Variants in CACNG1 observed in about 807,000 individuals in gnomAD.
The protein encoded by CACNG1 is calcium voltage-gated channel auxiliary subunit gamma 1.
CACNG1 carries 21 observed loss-of-function variants against 22.0 expected under a neutral mutation model. The ratio of observed to expected loss-of-function variants is 0.95; its 90% CI spans 0.68 to 1.37. The LOEUF (loss-of-function observed/expected upper bound fraction) is 1.37. Among genes scored for constraint, CACNG1 ranks in the 40% most tolerant of loss-of-function variants. The pLI is 0.00. For missense variants in CACNG1, 291 were observed against 308.6 expected (o/e 0.94, Z 0.43); for synonymous variants, 127 against 129.2 (o/e 0.98, Z 0.12).
rs1445423107 is a variant in CACNG1 at position 67,054,986 on chromosome 17, CACAATGACACACACAG to C, written c.305-113_305-98del. 6.6e-5 allele frequency: 68 copies of C among 1,024,190 alleles called. 1 individual carries two copies. In the African/African-American group the frequency reaches 1.1e-3, roughly 17 times the overall value. The allele number at this position is 1,024,190 out of a possible 1,614,324, so 63.4% of individuals were successfully genotyped here. On this transcript the variant is annotated intron_variant, in intron 2 of 3. Coordinates refer to ENST00000226021, the MANE Select transcript of CACNG1 (RefSeq NM_000727.4). The surrounding 1 kb of genome is among the most constrained non-coding windows in gnomAD (Gnocchi z 4.6). ...CACAGAGACACACACTTGACACACA[CACAATGACACACACAG>C]ACACTGACACACACACTGTGGTGCA...
At position 67,054,222 on chromosome 17, in the gene CACNG1, C is replaced by A; in HGVS notation, c.304+152C>A. ...ATTTGAACAACAGCCTTGTCAGCTC[C>A]CCGCTCCGGAGGCCCCAGGCAGCCG... On this transcript the variant is annotated intron_variant, in intron 2 of 3. Coordinates refer to ENST00000226021, the MANE Select transcript of CACNG1 (RefSeq NM_000727.4). The surrounding 1 kb of genome is among the most constrained non-coding windows in gnomAD (Gnocchi z 4.6). 1.5e-6 allele frequency: 1 copy of A among 660,848 alleles called. No homozygotes were observed. Among genetic ancestry groups the A allele is most frequent in the South Asian group, 1.9e-5 (1 of 53,050 alleles). The allele number at this position is 660,848 out of a possible 1,614,324, so 40.9% of individuals were successfully genotyped here.
chr17:67,054,004 T>G lies in CACNG1; in HGVS notation c.238T>G (p.Cys80Gly). 1 of 1,613,940 alleles carries G rather than the reference T, an allele frequency of 6.2e-7. No homozygotes were observed. ...GPITLPGEKN[C>G]SYFRHFNPGE... ...TGTCTCCTCCTTTGCAGAGAAGAAC[T>G]GTTCCTACTTCAGGCATTTTAACCC... Residue 80 changes from cysteine to glycine, a missense_variant, in exon 2 of 4, where the codon TGT becomes GGT. Transcript: ENST00000226021. This position sits in a 1 kb window ranked among gnomAD's most constrained non-coding sequence, Gnocchi z 4.6.
chr17:67,055,220 C>T lies in CACNG1; in HGVS notation c.422C>T (p.Ser141Phe), dbSNP rs747693009. The change falls in exon 3 of 4, where the codon TCC (serine) becomes TTC (phenylalanine). Residue 141 changes from serine to phenylalanine, a missense_variant. Coordinates refer to ENST00000226021, the MANE Select transcript of CACNG1 (RefSeq NM_000727.4). The surrounding 1 kb of genome is among the most constrained non-coding windows in gnomAD (Gnocchi z 4.5). ...KKRDYLLRPA[S>F]MFYAFAGLCI... ...AGGGACTATCTGCTGCGACCCGCGT[C>T]CATGTTCTATGCCTTTGCAGGTAGA... is the stretch of plus-strand genomic sequence containing the variant. The T allele has an allele frequency of 1.2e-5, 19 of 1,613,984 alleles. No homozygotes were observed. Among genetic ancestry groups the T allele is most frequent in the Non-Finnish European group, 1.6e-5 (19 of 1,179,990 alleles).
rs80148501 is a variant in CACNG1 at position 67,047,275 on chromosome 17, G to T, written c.229+2386G>T. ...TCTTCTCCATAATAGTAATGAGAAG[G>T]CTGGCAGAAATGGTCAGAATCAACA... On this transcript the variant is annotated intron_variant, in intron 1 of 3. Coordinates refer to ENST00000226021, the MANE Select transcript of CACNG1 (RefSeq NM_000727.4). Among the ~76,000 whole-genome samples the T allele has an allele frequency of 6.3e-3, 962 of 152,258 alleles. 12 individuals are homozygous for T. Among genetic ancestry groups the T allele is most frequent in the African/African-American group, 0.022 (916 of 41,538 alleles).
Position 67,056,224 on chromosome 17 carries a change from C to A in CACNG1, c.622C>A (p.Pro208Thr), listed in dbSNP as rs566817643. The change falls in exon 4 of 4, where the codon CCC (proline) becomes ACC (threonine). Residue 208 changes from proline to threonine, a missense_variant. Transcript: ENST00000226021. This position sits in a 1 kb window ranked among gnomAD's most constrained non-coding sequence, Gnocchi z 4.3. ...ALLLFSLPRM[P>T]RNPWESCMDA... Reference sequence around the variant, plus strand: ...CCTGCTGTTCTCCCTGCCTCGAATGCCCCGGAACCCATGGGAGTCCTGCAT... The same window carrying A: ...CCTGCTGTTCTCCCTGCCTCGAATGACCCGGAACCCATGGGAGTCCTGCAT... 2.9e-5 allele frequency: 46 copies of A among 1,613,992 alleles called. No individual in the cohort carries two copies. The South Asian group carries it at 4.9e-4, about 17-fold the overall frequency.
At chr17:67,051,264 T>A (rs909742127) in intron 1 of CACNG1, among the ~76,000 whole-genome samples, 4 of 152,014 alleles carry the variant, frequency 2.6e-5, no homozygotes, top group Non-Finnish European at 5.9e-5. Flanking sequence ...CATAGTAGGG[T>A]CTGTCCATCT....
rs1390766306 is a variant in CACNG1, at chr17:67,044,970, A to G, written c.229+81A>G. 10 of 1,169,650 alleles carry G rather than the reference A, an allele frequency of 8.5e-6. No individual in the cohort carries two copies. The Admixed American group carries it at 2.0e-4, about 24-fold the overall frequency. The allele number at this position is 1,169,650 out of a possible 1,614,324, so 72.5% of individuals were successfully genotyped here. On this transcript the variant is annotated intron_variant, in intron 1 of 3. Coordinates refer to ENST00000226021, the MANE Select transcript of CACNG1 (RefSeq NM_000727.4). The surrounding 1 kb of genome is among the most constrained non-coding windows in gnomAD (Gnocchi z 6.9). ...CCTGGCAAAGTTGCCCTTGCGAAGG[A>G]AGGCAGGTTTCTCTGCCTAGAAATA...
rs1331789738 is a variant in CACNG1, at chr17:67,054,240, GGCAGCC to G, written c.304+173_304+178del. Among the ~76,000 whole-genome samples, 2 of 152,240 alleles carry G rather than the reference GGCAGCC, an allele frequency of 1.3e-5. No individual in the cohort carries two copies. Among genetic ancestry groups the G allele is most frequent in the Non-Finnish European group, 2.9e-5 (2 of 68,046 alleles). On this transcript the variant is annotated intron_variant, in intron 2 of 3. Transcript: ENST00000226021. The surrounding 1 kb of genome is among the most constrained non-coding windows in gnomAD (Gnocchi z 4.6). Reference sequence around the variant, plus strand: ...TCAGCTCCCCGCTCCGGAGGCCCCAGGCAGCCGCCTTCCATCTCCAGGGCCCGGAGC... The same window carrying G: ...TCAGCTCCCCGCTCCGGAGGCCCCAGGCCTTCCATCTCCAGGGCCCGGAGC...
intron 1 of CACNG1, among the ~76,000 whole-genome samples, chr17:67,052,356 G>A (rs1182110708): frequency 2.0e-5 from 3 of 152,196 alleles, no homozygotes; most frequent in African/African-American, 4.8e-5. Flanking sequence ...TCAACCTCAG[G>A]AGAGGCAGCA....
chr17:67,051,186 C>T (rs953996391), intron 1 of CACNG1, among the ~76,000 whole-genome samples: 1 of 152,122 alleles, frequency 6.6e-6, no homozygotes, highest in Non-Finnish European at 1.5e-5. Flanking sequence ...CTTTACGTTG[C>T]CCTGGATGCT....
rs769409289 is a variant in CACNG1 at position 67,044,900 on chromosome 17, C to CA, written c.229+12dup. 6.2e-7 allele frequency: 1 copy of CA among 1,600,348 alleles called. No homozygotes were observed. The highest frequency in any genetic ancestry group is 1.1e-5 in the South Asian group (1 of 90,452). On this transcript the variant is annotated intron_variant, in intron 1 of 3. Coordinates refer to ENST00000226021, the MANE Select transcript of CACNG1 (RefSeq NM_000727.4). This position sits in a 1 kb window ranked among gnomAD's most constrained non-coding sequence, Gnocchi z 6.9. ...TCACCCTGCCCGGGGGTAACGTACC[C>CA]ACCCTCCGTCCCGATCCCCACCTCC...
In CACNG1 at chr17:67,044,574, T is replaced by C. The variant is rs2035683049; in HGVS notation, c.-87T>C. 1 of 848,582 alleles carries C rather than the reference T, an allele frequency of 1.2e-6. No homozygotes were observed. Among genetic ancestry groups the C allele is most frequent in the Admixed American group, 1.9e-5 (1 of 54,032 alleles). 52.6% of individuals were successfully genotyped at this position (848,582 alleles called of 1,614,324 possible). ...TGGCCACTCCCAGCTCGACAACCAC[T>C]GCCACCCCCCAAGCTCGGCTTGTCA... On this transcript the variant is annotated 5_prime_UTR_variant, in exon 1 of 4. Transcript: ENST00000226021. The surrounding 1 kb of genome is among the most constrained non-coding windows in gnomAD (Gnocchi z 6.9).
chr17:67,048,155 C>T (rs1022206443), intron 1 of CACNG1, among the ~76,000 whole-genome samples: 2 of 152,034 alleles, frequency 1.3e-5, no homozygotes, highest in African/African-American at 4.8e-5. Context: ...CAACTGATTT[C>T]CAGAGTTGCC....
chr17:67,052,492 A>G (rs1294547589), intron 1 of CACNG1, among the ~76,000 whole-genome samples: 1 of 152,240 alleles, frequency 6.6e-6, no homozygotes, highest in East Asian at 1.9e-4. Context: ...CACTGCAGGT[A>G]CATTTCCAGA....
chr17:67,045,845 C>A (rs1443754024), intron 1 of CACNG1, among the ~76,000 whole-genome samples: 1 of 152,142 alleles, frequency 6.6e-6, no homozygotes, highest in African/African-American at 2.4e-5. Context: ...TTTGTCAGGA[C>A]TTCAGTCCTC....
chr17:67,055,197 G>C lies in CACNG1; in HGVS notation c.399G>C (p.Arg133Ser). 6.2e-7 allele frequency: 1 copy of C among 1,614,246 alleles called. No individual in the cohort carries two copies. The highest frequency in any genetic ancestry group is 8.5e-7 in the Non-Finnish European group (1 of 1,180,024). The stretch of plus-strand genomic sequence containing the variant: ...TCCTCCTGTCCCTCGGGAAGAAGAG[G>C]GACTATCTGCTGCGACCCGCGTCCA... ...LCVLLSLGKKRDYLLRPASMF... is the reference protein window; with the variant it reads ...LCVLLSLGKKSDYLLRPASMF... The change falls in exon 3 of 4, where the codon AGG becomes AGC. Residue 133 changes from arginine to serine, a missense_variant. Physicochemically the swap from Arg to Ser is moderately radical, Grantham distance 110. Transcript: ENST00000226021. This position sits in a 1 kb window ranked among gnomAD's most constrained non-coding sequence, Gnocchi z 4.5.
intron 1 of CACNG1, among the ~76,000 whole-genome samples, chr17:67,046,376 A>G (rs1402024995): frequency 1.3e-5 from 2 of 152,122 alleles, no homozygotes; most frequent in Non-Finnish European, 2.9e-5. Context: ...AAGATCTTGC[A>G]GTCTGCTTGT....
Position 67,056,511 on chromosome 17 carries a change from G to A in CACNG1, c.*240G>A. ...CAGTTGGGGGAGGCAGAGCCAGCAG[G>A]TGGACAGGTGTTTGCAGGGGCCCAA... On this transcript the variant is annotated 3_prime_UTR_variant, in exon 4 of 4. Coordinates refer to ENST00000226021, the MANE Select transcript of CACNG1 (RefSeq NM_000727.4). This position sits in a 1 kb window ranked among gnomAD's most constrained non-coding sequence, Gnocchi z 4.3. The A allele has an allele frequency of 3.6e-6, 2 of 561,886 alleles. No individual in the cohort carries two copies. Among genetic ancestry groups the A allele is most frequent in the Non-Finnish European group, 6.4e-6 (2 of 312,610 alleles). 34.8% of individuals were successfully genotyped at this position (561,886 alleles called of 1,614,324 possible).
chr17:67,046,987 T>C (rs2035701152), intron 1 of CACNG1, among the ~76,000 whole-genome samples: 1 of 149,018 alleles, frequency 6.7e-6, no homozygotes, highest in South Asian at 2.2e-4. Context: ...CCAAAATATG[T>C]TCCTGCCTTT....
Sources: allele counts gnomAD v4.1 joint callset (sites outside exome capture counted in the v4.1 genomes callset), GRCh38; gene constraint gnomAD v4.1.1; non-coding constraint Gnocchi (gnomAD v3.1); transcripts MANE v1.5; gene names NCBI Gene and HGNC (gene_info 2026-07-23, HGNC 2026-07-21).